SETBP1: variants seen among roughly 807,000 people sequenced by gnomAD.
SETBP1 encodes the protein SET-binding protein.
In SETBP1, 9 loss-of-function variants were observed where a neutral mutation model predicts 101.0. The ratio of observed to expected loss-of-function variants is 0.09; its 90% CI spans 0.05 to 0.16. The LOEUF (loss-of-function observed/expected upper bound fraction) is 0.16, where lower values mean the gene tolerates loss of function less well. Ranked by LOEUF, SETBP1 falls within the 10% of genes least tolerant of loss-of-function variation. The pLI, the probability that SETBP1 is intolerant of heterozygous loss-of-function variation, is 1.00. For missense variants in SETBP1, 1,858 were observed against 2,033.8 expected (o/e 0.91, Z 1.66); for synonymous variants, 818 against 788.5 (o/e 1.04, Z -0.63).
chr18:44,731,631 T>TACACAC (rs58199613), intron 2 of SETBP1, among the ~76,000 whole-genome samples: 10 of 149,848 alleles, frequency 6.7e-5, no homozygotes, highest in African/African-American at 9.8e-5. Context: ...AATGGTTCTT[T>TACACAC]ACACACACAC....
At chr18:44,927,593 T>A (rs1321794076) in intron 3 of SETBP1, among the ~76,000 whole-genome samples, 1 of 152,210 alleles carries the variant, frequency 6.6e-6, no homozygotes, top group Non-Finnish European at 1.5e-5. Flanking sequence ...CTGAGCTATT[T>A]GGCCCGAAAT....
intron 4 of SETBP1, among the ~76,000 whole-genome samples, chr18:44,991,947 G>C (rs549857050): frequency 3.7e-4 from 56 of 152,182 alleles, no homozygotes; most frequent in African/African-American, 1.3e-3. Flanking sequence ...TCTAACAAAA[G>C]ACAATTAGAT....
intron 2 of SETBP1, among the ~76,000 whole-genome samples, chr18:44,853,549 G>A (rs1294688151): frequency 6.6e-6 from 1 of 152,208 alleles, no homozygotes; most frequent in Non-Finnish European, 1.5e-5. Context: ...ACAGAAACTT[G>A]AGATTCAGCT....
In SETBP1 at chr18:44,939,226, C is replaced by A. The variant is rs147201979; in HGVS notation, c.541-10655C>A. 1.5e-3 allele frequency among the ~76,000 whole-genome samples: 233 copies of A among 152,178 alleles called. 1 individual carries two copies. The highest frequency in any genetic ancestry group is 2.8e-3 in the Non-Finnish European group (187 of 67,992). On this transcript the variant is annotated intron_variant, in intron 3 of 5. Transcript: ENST00000649279. ...CACTGGAAACTCCCTCATGCCCATGCCAGCCCTTCCCAGCCCCGGTCCCCA... is the reference window on the plus strand; with the variant it reads ...CACTGGAAACTCCCTCATGCCCATGACAGCCCTTCCCAGCCCCGGTCCCCA...
chr18:45,044,315 C>T (rs2073566855), intron 5 of SETBP1, among the ~76,000 whole-genome samples: 2 of 152,154 alleles, frequency 1.3e-5, no homozygotes, highest in African/African-American at 4.8e-5. Context: ...TTAAAGCAAT[C>T]GTTCAAGTTG....
At chr18:44,931,495 G>T (rs1324173255) in intron 3 of SETBP1, among the ~76,000 whole-genome samples, 3 of 152,158 alleles carry the variant, frequency 2.0e-5, no homozygotes, top group Non-Finnish European at 2.9e-5. Flanking sequence ...GGATATCCTT[G>T]TTAACTTTTT....
intron 3 of SETBP1, among the ~76,000 whole-genome samples, chr18:44,879,815 A>T (rs972794421): frequency 6.6e-6 from 1 of 152,170 alleles, no homozygotes; most frequent in Non-Finnish European, 1.5e-5. Context: ...AACACCTCAC[A>T]CTTGCCTTCA....
intron 3 of SETBP1, among the ~76,000 whole-genome samples, chr18:44,878,568 T>C (rs1022647545): frequency 1.3e-5 from 2 of 152,222 alleles, no homozygotes; most frequent in Non-Finnish European, 1.5e-5. Context: ...GACTCCTGCA[T>C]AGTAAATGCA....
At chr18:44,976,073 T>TACAC (rs57458132) in intron 4 of SETBP1, among the ~76,000 whole-genome samples, 17,033 of 143,516 alleles carry the variant, frequency 0.12, 1,201 homozygotes, top group East Asian at 0.39. Flanking sequence ...TGGGGAGGGA[T>TACAC]ACACACACAC....
intron 2 of SETBP1, among the ~76,000 whole-genome samples, chr18:44,860,064 G>C (rs2068969135): frequency 6.6e-6 from 1 of 152,176 alleles, no homozygotes; most frequent in Non-Finnish European, 1.5e-5. Context: ...ATTTAAATCA[G>C]TTTCCTGGGA....
At chr18:44,998,564 G>T (rs965589263) in intron 4 of SETBP1, among the ~76,000 whole-genome samples, 2 of 152,192 alleles carry the variant, frequency 1.3e-5, no homozygotes, top group African/African-American at 4.8e-5. Flanking sequence ...AACGACTGCC[G>T]TTCCTTTTTC....
chr18:44,747,919 C>T (rs1019690665), intron 2 of SETBP1, among the ~76,000 whole-genome samples: 8 of 152,208 alleles, frequency 5.3e-5, no homozygotes, highest in African/African-American at 1.7e-4. Flanking sequence ...ACTCCTAGTT[C>T]TGATTCTTAT....
chr18:44,711,098 T>C (rs1419390321), intron 2 of SETBP1, among the ~76,000 whole-genome samples: 1 of 152,026 alleles, frequency 6.6e-6, no homozygotes, highest in Non-Finnish European at 1.5e-5. Flanking sequence ...GCTGGGGGAG[T>C]GCAAGCTGAG....
chr18:44,833,447 A>C (rs1419461353), intron 2 of SETBP1, among the ~76,000 whole-genome samples: 1 of 152,148 alleles, frequency 6.6e-6, no homozygotes, highest in Non-Finnish European at 1.5e-5. Flanking sequence ...AGGTTGTTGG[A>C]GTCTGGAAGA....
chr18:45,032,249 C>A (rs1285710658), intron 4 of SETBP1, among the ~76,000 whole-genome samples: 2 of 152,096 alleles, frequency 1.3e-5, no homozygotes, highest in Non-Finnish European at 1.5e-5. Context: ...CATTTGCCTC[C>A]TAATTTGTGA....
chr18:44,914,645 G>A (rs2070386433), intron 3 of SETBP1, among the ~76,000 whole-genome samples: 1 of 152,148 alleles, frequency 6.6e-6, no homozygotes, highest in African/African-American at 2.4e-5. Flanking sequence ...GAAGAGGTGA[G>A]GATGGATACC....
chr18:44,732,070 G>A (rs977297915), intron 2 of SETBP1, among the ~76,000 whole-genome samples: 1 of 152,138 alleles, frequency 6.6e-6, no homozygotes, highest in East Asian at 1.9e-4. Context: ...TGTTGAGGCT[G>A]TCTAGTTCTA....
intron 2 of SETBP1, among the ~76,000 whole-genome samples, chr18:44,863,521 T>TGTG (rs923419760): frequency 3.9e-5 from 6 of 152,208 alleles, no homozygotes; most frequent in Non-Finnish European, 7.3e-5. Context: ...GTTGAAAGGT[T>TGTG]GTGGTGGGCC....
chr18:44,690,769 TAAATC>T (rs1222552002), intron 1 of SETBP1, among the ~76,000 whole-genome samples: 2 of 152,206 alleles, frequency 1.3e-5, no homozygotes, highest in Non-Finnish European at 2.9e-5. Context: ...ATAATAAACT[TAAATC>T]AGATGAAAAA....
Sources: allele counts gnomAD v4.1 joint callset (sites outside exome capture counted in the v4.1 genomes callset), GRCh38; gene constraint gnomAD v4.1.1; transcripts MANE v1.5; gene names NCBI Gene and HGNC (gene_info 2026-07-23, HGNC 2026-07-21).